The following WDR41 variants were observed in gnomAD, a reference collection of about 807,000 sequenced individuals.
The protein encoded by WDR41 is WD repeat domain 41, also known as WD repeat-containing protein 41.
WDR41 carries 63 observed loss-of-function variants against 69.3 expected under a neutral mutation model. The ratio of observed to expected loss-of-function variants is 0.91; its 90% CI spans 0.74 to 1.12. The LOEUF is 1.12. WDR41 is among the 50% of genes most tolerant of loss of function. WDR41 has a pLI of 0.00. For synonymous variants in WDR41, 185 were observed against 192.1 expected (o/e 0.96, Z 0.31); for missense variants, 543 against 534.5 (o/e 1.02, Z -0.16).
intron 1 of WDR41, among the ~76,000 whole-genome samples, chr5:77,553,981 C>T (rs1269950861): frequency 1.3e-5 from 2 of 152,098 alleles, no homozygotes; most frequent in Non-Finnish European, 2.9e-5. Flanking sequence ...CATAAAAACC[C>T]AAATAATTAA....
chr5:77,451,428 TTA>T, intron 6 of WDR41, 75 bp from the exon 7 acceptor site: 1 of 1,380,932 alleles, frequency 7.2e-7, no homozygotes, highest in Non-Finnish European at 1.0e-6. Context: ...ATTCTCAGTT[TTA>T]TGTCAGTCGT....
intron 8 of WDR41, among the ~76,000 whole-genome samples, chr5:77,447,225 A>C (rs1157223614): frequency 2.0e-5 from 3 of 152,242 alleles, no homozygotes; most frequent in Non-Finnish European, 4.4e-5. Flanking sequence ...ACCATCTCAC[A>C]CCAGTCAGAA....
intron 1 of WDR41, among the ~76,000 whole-genome samples, chr5:77,587,359 T>A (rs1744059536): frequency 6.6e-6 from 1 of 152,284 alleles, no homozygotes; most frequent in South Asian, 2.1e-4. Context: ...GCTGGACATA[T>A]ATCTAGGAGT....
chr5:77,594,497 T>C (rs1490731605), intron 1 of WDR41, among the ~76,000 whole-genome samples: 1 of 151,956 alleles, frequency 6.6e-6, no homozygotes, highest in African/African-American at 2.4e-5. Flanking sequence ...ATTATAAAAA[T>C]GTCTGTGATC....
In WDR41 at chr5:77,580,861, C is replaced by T. The variant is rs74583007; in HGVS notation, c.42+39618G>A. On this transcript the variant is annotated intron_variant, in intron 1 of 5. Coordinates refer to the WDR41 transcript ENST00000509971. ...TTCCCAGCTACTTGGGAGGCTGAGG[C>T]AGGAGAATGGCCTGAACTTGGGAGG... Among the ~76,000 whole-genome samples the T allele has an allele frequency of 5.3e-5, 8 of 151,964 alleles. No individual in the cohort carries two copies. The East Asian group carries it at 1.6e-3, about 29-fold the overall frequency.
chr5:77,471,937 T>A (rs529779624), intron 2 of WDR41, among the ~76,000 whole-genome samples: 1 of 152,146 alleles, frequency 6.6e-6, no homozygotes, highest in African/African-American at 2.4e-5. Context: ...GCCAGCATCA[T>A]CCTGATACCA....
At chr5:77,595,350 C>T (rs572903492) in intron 1 of WDR41, among the ~76,000 whole-genome samples, 11 of 152,204 alleles carry the variant, frequency 7.2e-5, no homozygotes, top group South Asian at 6.2e-4. Context: ...TTATTTTTCA[C>T]GTCTTAAAGC....
At chr5:77,475,953 T>A (rs1254460251) in intron 2 of WDR41, among the ~76,000 whole-genome samples, 1 of 151,946 alleles carries the variant, frequency 6.6e-6, no homozygotes, top group Non-Finnish European at 1.5e-5. Context: ...ATAACTAGAA[T>A]AACCAATACA....
At chr5:77,447,903 T>TA (rs1265351357) in intron 8 of WDR41, among the ~76,000 whole-genome samples, 1 of 152,212 alleles carries the variant, frequency 6.6e-6, no homozygotes, top group Non-Finnish European at 1.5e-5. Flanking sequence ...AAAAAGATAG[T>TA]AAAAAACAGT....
intron 2 of WDR41, among the ~76,000 whole-genome samples, chr5:77,470,035 C>T (rs895962032): frequency 1.3e-5 from 2 of 149,718 alleles, no homozygotes; most frequent in East Asian, 1.9e-4. Context: ...AGAGAAAGGT[C>T]GGGTTACCCA....
chr5:77,434,124 GTT>G (rs890376562), intron 12 of WDR41, among the ~76,000 whole-genome samples: 1 of 152,154 alleles, frequency 6.6e-6, no homozygotes, highest in Non-Finnish European at 1.5e-5. Context: ...GAGGTCAGGA[GTT>G]TAAGGCCAGC....
chr5:77,553,706 T>C (rs7729808), intron 1 of WDR41, among the ~76,000 whole-genome samples: 51,056 of 152,114 alleles, frequency 0.34, 11,993 homozygotes, highest in African/African-American at 0.65. Context: ...TATCATAAGC[T>C]GTTAGGAAAC....
At chr5:77,500,852 A>G (rs1040647566) in intron 1 of WDR41, among the ~76,000 whole-genome samples, 1 of 152,192 alleles carries the variant, frequency 6.6e-6, no homozygotes, top group African/African-American at 2.4e-5. Context: ...GATACTAAAA[A>G]CTTTAAAATT....
chr5:77,457,121 T>C (rs1799865767), intron 5 of WDR41, among the ~76,000 whole-genome samples: 1 of 152,190 alleles, frequency 6.6e-6, no homozygotes, highest in African/African-American at 2.4e-5. Flanking sequence ...GAAAGGGTGT[T>C]GGAGTTTGTC....
intron 1 of WDR41, among the ~76,000 whole-genome samples, chr5:77,568,430 C>A (rs1455922694): frequency 6.6e-6 from 1 of 152,164 alleles, no homozygotes; most frequent in African/African-American, 2.4e-5. Context: ...ATAACCCATT[C>A]TTCCTGAGAT....
intron 1 of WDR41, among the ~76,000 whole-genome samples, chr5:77,583,545 C>T (rs911512517): frequency 2.6e-5 from 4 of 151,498 alleles, no homozygotes; most frequent in Non-Finnish European, 4.4e-5. Flanking sequence ...CCCACGTATA[C>T]GTTTCATGTC....
At chr5:77,476,066 G>A (rs1468610741) in intron 2 of WDR41, among the ~76,000 whole-genome samples, 1 of 152,090 alleles carries the variant, frequency 6.6e-6, no homozygotes, top group Non-Finnish European at 1.5e-5. Context: ...GGAAGAAAGG[G>A]TATCAGCGAT....
intron 8 of WDR41, among the ~76,000 whole-genome samples, chr5:77,449,469 T>C (rs1246038974): frequency 1.3e-5 from 2 of 152,174 alleles, no homozygotes; most frequent in African/African-American, 2.4e-5. Flanking sequence ...CCAAAAATGC[T>C]GAAACAGCCT....
chr5:77,565,265 T>C (rs1394093616), intron 1 of WDR41, among the ~76,000 whole-genome samples: 1 of 152,210 alleles, frequency 6.6e-6, no homozygotes, highest in African/African-American at 2.4e-5. Flanking sequence ...ACACATACAG[T>C]GCATTTAAAT....
Sources: gnomAD v4.1 joint callset for allele counts (sites outside exome capture counted in the v4.1 genomes callset) on GRCh38, gnomAD v4.1.1 for gene constraint, MANE v1.5 for transcripts, NCBI Gene and HGNC (gene_info 2026-07-23, HGNC 2026-07-21) for gene names.